C12orf54: variants seen among roughly 807,000 people sequenced by gnomAD.
C12orf54 encodes the protein chromosome 12 open reading frame 54.
Under a neutral mutation model 26.4 loss-of-function variants are expected in C12orf54, and 24 were observed. The observed-to-expected ratio is 0.91, with a 90% confidence interval of 0.66 to 1.28. C12orf54 has a LOEUF of 1.28. C12orf54 is among the 50% of genes most tolerant of loss of function. The pLI is 0.00. For missense variants in C12orf54, 154 were observed against 150.9 expected, an observed-to-expected ratio of 1.02 and a Z score of -0.11; for synonymous variants, 54 against 47.0, an observed-to-expected ratio of 1.15 and a Z score of -0.61.
At chr12:48,424,822 A>G in the C12orf54 span, among the ~76,000 whole-genome samples, 1 of 152,146 alleles carries the variant, frequency 6.6e-6, no homozygotes, top group Non-Finnish European at 1.5e-5. Context: ...CCAGACACAA[A>G]TGACTACCTT....
At chr12:48,415,768 T>C in the C12orf54 span, among the ~76,000 whole-genome samples, 1 of 152,170 alleles carries the variant, frequency 6.6e-6, no homozygotes, top group Non-Finnish European at 1.5e-5. Context: ...CCCTGACCAT[T>C]TGACCATTTT....
chr12:48,462,288 A>G, the C12orf54 span, among the ~76,000 whole-genome samples: 1 of 151,750 alleles, frequency 6.6e-6, no homozygotes, highest in South Asian at 2.1e-4. Flanking sequence ...ATTTAGGCCC[A>G]TATGGCTTTA....
the C12orf54 span, among the ~76,000 whole-genome samples, chr12:48,453,293 C>A: frequency 6.6e-6 from 1 of 151,802 alleles, no homozygotes; most frequent in Non-Finnish European, 1.5e-5. Context: ...ATGATGAGAA[C>A]ACGTGGATAC....
chr12:48,455,550 A>C, the C12orf54 span, among the ~76,000 whole-genome samples: 6 of 152,238 alleles, frequency 3.9e-5, no homozygotes, highest in African/African-American at 1.4e-4. Context: ...TGTCAGAGAC[A>C]CAACCATATT....
the C12orf54 span, among the ~76,000 whole-genome samples, chr12:48,446,255 T>C: frequency 2.0e-5 from 3 of 152,194 alleles, no homozygotes; most frequent in African/African-American, 4.8e-5. Context: ...AGCTCATTCC[T>C]CAAAAGCTCC....
chr12:48,418,488 G>A, the C12orf54 span, among the ~76,000 whole-genome samples: 6 of 152,196 alleles, frequency 3.9e-5, no homozygotes, highest in African/African-American at 1.4e-4. Context: ...GGGGATAAAG[G>A]AAGAGATGAC....
chr12:48,483,251 A>C lies in C12orf54; in HGVS notation c.-46A>C, dbSNP rs375760934. On this transcript the variant is annotated 5_prime_UTR_variant, in exon 2 of 9. Coordinates refer to ENST00000548364, the MANE Select transcript of C12orf54 (RefSeq NM_152319.4). ...TTATGCCTCTCCAGGGCCTGGAGCT[A>C]TCTCCATCTTCAGCTCCAGAGTCCT... 6.5e-7 allele frequency: 1 copy of C among 1,549,092 alleles called. No homozygotes were observed. Among genetic ancestry groups the C allele is most frequent in the East Asian group, 2.2e-5 (1 of 44,588 alleles).
At chr12:48,463,188 G>A in the C12orf54 span, among the ~76,000 whole-genome samples, 1 of 151,834 alleles carries the variant, frequency 6.6e-6, no homozygotes, top group African/African-American at 2.4e-5. Flanking sequence ...CGAAAGATGT[G>A]CAAGATTGTA....
the C12orf54 span, among the ~76,000 whole-genome samples, chr12:48,474,619 A>T: frequency 6.6e-6 from 1 of 152,214 alleles, no homozygotes; most frequent in Non-Finnish European, 1.5e-5. Context: ...GGAGGGTCCT[A>T]CGCCCACAGA....
chr12:48,472,345 T>C, the C12orf54 span, among the ~76,000 whole-genome samples: 1 of 152,184 alleles, frequency 6.6e-6, no homozygotes, highest in Non-Finnish European at 1.5e-5. Flanking sequence ...CCGTGAGATA[T>C]ATACTATGGC....
the C12orf54 span, among the ~76,000 whole-genome samples, chr12:48,437,338 A>C: frequency 6.6e-6 from 1 of 152,208 alleles, no homozygotes; most frequent in Non-Finnish European, 1.5e-5. Flanking sequence ...AGGAGCTGGT[A>C]CCCTTCCTTC....
At chr12:48,473,360 AAG>A in the C12orf54 span, 1 of 1,101,028 alleles carries the variant, frequency 9.1e-7, no homozygotes, top group South Asian at 1.3e-5. Flanking sequence ...GTGAAGAAGA[AAG>A]GGGTCAGAAG....
At chr12:48,459,957 C>T in the C12orf54 span, among the ~76,000 whole-genome samples, 1 of 151,478 alleles carries the variant, frequency 6.6e-6, no homozygotes, top group Non-Finnish European at 1.5e-5. Flanking sequence ...TACTCAGACT[C>T]AAGTCCCCTC....
At chr12:48,434,506 A>T in the C12orf54 span, among the ~76,000 whole-genome samples, 1 of 152,210 alleles carries the variant, frequency 6.6e-6, no homozygotes, top group Non-Finnish European at 1.5e-5. Flanking sequence ...ACTAGGAGGC[A>T]TCCCCCAGTA....
chr12:48,451,573 A>G, the C12orf54 span, among the ~76,000 whole-genome samples: 2 of 152,216 alleles, frequency 1.3e-5, no homozygotes, highest in Non-Finnish European at 2.9e-5. Flanking sequence ...AGATGGCATA[A>G]TCCTATTTCT....
chr12:48,474,582 C>A, the C12orf54 span, among the ~76,000 whole-genome samples: 1 of 152,218 alleles, frequency 6.6e-6, no homozygotes, highest in Non-Finnish European at 1.5e-5. Context: ...AAAAGCACAC[C>A]AGGAGATTAT....
At chr12:48,419,059 G>T in the C12orf54 span, among the ~76,000 whole-genome samples, 2 of 152,166 alleles carry the variant, frequency 1.3e-5, no homozygotes, top group African/African-American at 4.8e-5. Flanking sequence ...GTGGGATGTT[G>T]GTTGAGATGA....
upstream of C12orf54, among the ~76,000 whole-genome samples, chr12:48,480,825 G>A (rs1954191030): frequency 6.6e-6 from 1 of 152,092 alleles, no homozygotes; most frequent in South Asian, 2.1e-4. Flanking sequence ...ATCAATCATG[G>A]ATGGGATAAA....
the C12orf54 span, among the ~76,000 whole-genome samples, chr12:48,433,464 G>T: frequency 1.3e-5 from 2 of 149,040 alleles, no homozygotes; most frequent in African/African-American, 2.5e-5. Flanking sequence ...TTGGGGGGGG[G>T]GGGGGCAGGA....
Sources: gnomAD v4.1 joint callset for allele counts (sites outside exome capture counted in the v4.1 genomes callset) on GRCh38, gnomAD v4.1.1 for gene constraint, MANE v1.5 for transcripts, NCBI Gene and HGNC (gene_info 2026-07-23, HGNC 2026-07-21) for gene names.